The following EPYC variants were observed in gnomAD, a reference collection of about 807,000 sequenced individuals.
EPYC encodes the protein dermatan sulfate proteoglycan 3.
EPYC carries 28 observed loss-of-function variants against 30.1 expected under a neutral mutation model. That is an observed-to-expected ratio of 0.93 (90% CI 0.69 to 1.28). The LOEUF is 1.28. Among genes scored for constraint, EPYC ranks in the 50% most tolerant of loss-of-function variants. The probability of loss-of-function intolerance (pLI) is 0.00; values close to 1 mark genes in which losing one functional copy is unlikely to be tolerated. For missense variants in EPYC, 382 were observed against 383.5 expected (o/e 1.00, Z 0.03); for synonymous variants, 144 against 141.4 (o/e 1.02, Z -0.13).
intron 2 of EPYC, among the ~76,000 whole-genome samples, chr12:90,987,018 T>A (rs1877463366): frequency 6.6e-6 from 1 of 152,190 alleles, no homozygotes; most frequent in South Asian, 2.1e-4. Flanking sequence ...CATGGCAATT[T>A]TTGATACATT....
chr12:90,993,066 T>C (rs1877622480), intron 2 of EPYC, among the ~76,000 whole-genome samples: 1 of 152,196 alleles, frequency 6.6e-6, no homozygotes, highest in African/African-American at 2.4e-5. Context: ...GTTTCCATCT[T>C]ATGACTTTCT....
intron 2 of EPYC, among the ~76,000 whole-genome samples, chr12:90,992,833 G>T (rs1277844502): frequency 1.3e-5 from 2 of 152,136 alleles, no homozygotes; most frequent in Admixed American, 1.3e-4. Context: ...GTCTGGAGTG[G>T]GATCTGAGTA....
intron 2 of EPYC, 92 bp from the exon 3 acceptor site, chr12:90,978,354 G>T: frequency 1.6e-6 from 2 of 1,263,966 alleles, no homozygotes; most frequent in Admixed American, 2.8e-5. Context: ...ACCCATATTT[G>T]CCACAAGAGG....
intron 5 of EPYC, 80 bp from the exon 6 acceptor site, chr12:90,970,219 C>G: frequency 2.0e-6 from 2 of 989,268 alleles, no homozygotes; most frequent in Non-Finnish European, 3.2e-6. Flanking sequence ...GCTGTATTTC[C>G]CATTCCCTCT....
intron 3 of EPYC, among the ~76,000 whole-genome samples, 162 bp from the exon 4 acceptor site, chr12:90,973,142 C>T (rs1243692192): frequency 6.6e-6 from 1 of 151,938 alleles, no homozygotes; most frequent in East Asian, 1.9e-4. Flanking sequence ...GTCAAGCATA[C>T]CAATTAAAAT....
chr12:90,980,182 C>A (rs1177265155), intron 2 of EPYC, among the ~76,000 whole-genome samples: 1 of 152,054 alleles, frequency 6.6e-6, no homozygotes, highest in African/African-American at 2.4e-5. Context: ...AAGGGAGAAA[C>A]AAATTCCAGA....
intron 2 of EPYC, among the ~76,000 whole-genome samples, chr12:90,993,537 T>C (rs749157020): frequency 6.6e-6 from 1 of 152,130 alleles, no homozygotes; most frequent in African/African-American, 2.4e-5. Context: ...AGAAAACCTT[T>C]ACTATTTTCA....
At chr12:90,988,206 T>G (rs891203842) in intron 2 of EPYC, among the ~76,000 whole-genome samples, 1 of 152,174 alleles carries the variant, frequency 6.6e-6, no homozygotes, top group African/African-American at 2.4e-5. Flanking sequence ...CAATTGAAGT[T>G]ACTTTCACTT....
chr12:90,984,225 C>T (rs545050288), intron 2 of EPYC, among the ~76,000 whole-genome samples: 27 of 152,254 alleles, frequency 1.8e-4, no homozygotes, highest in African/African-American at 6.3e-4. Context: ...CCTTGGTCCT[C>T]TTTGTGGTCT....
chr12:90,968,184 T>C (rs7296663), intron 6 of EPYC, among the ~76,000 whole-genome samples: 44 of 152,302 alleles, frequency 2.9e-4, no homozygotes, highest in African/African-American at 9.9e-4. Flanking sequence ...TAATACATGT[T>C]TTGTGCCTAT....
intron 2 of EPYC, 111 bp from the exon 3 acceptor site, chr12:90,978,373 G>T: frequency 2.0e-6 from 2 of 1,017,086 alleles, no homozygotes; most frequent in South Asian, 1.7e-5. Flanking sequence ...GGACACTCAT[G>T]TTCTAAAGTT....
At chr12:91,002,626 G>T (rs1877859791) in intron 1 of EPYC, 48 bp from the exon 2 acceptor site, 13 of 1,407,754 alleles carry the variant, frequency 9.2e-6, no homozygotes, top group Non-Finnish European at 1.3e-5. Flanking sequence ...GATAACTTAT[G>T]AATAGTTTGC....
intron 2 of EPYC, among the ~76,000 whole-genome samples, chr12:90,985,669 G>A (rs932007242): frequency 3.3e-5 from 5 of 152,086 alleles, no homozygotes; most frequent in African/African-American, 4.8e-5. Flanking sequence ...ATTGTCCAAC[G>A]AGAAACAAGC....
chr12:90,978,054 G>T, intron 3 of EPYC, 34 bp downstream of exon 3: 2 of 1,505,492 alleles, frequency 1.3e-6, no homozygotes, highest in Non-Finnish European at 1.8e-6. Flanking sequence ...TGACAAAGTG[G>T]ACTCAATTGT....
chr12:90,968,717 A>C (rs958807405), intron 6 of EPYC, among the ~76,000 whole-genome samples: 1 of 152,124 alleles, frequency 6.6e-6, no homozygotes, highest in Non-Finnish European at 1.5e-5. Flanking sequence ...AACATCAAAG[A>C]CTTGTTTTAT....
At chr12:90,969,988 T>C in intron 6 of EPYC, 56 bp downstream of exon 6, 2 of 1,273,992 alleles carry the variant, frequency 1.6e-6, no homozygotes, top group Non-Finnish European at 2.3e-6. Flanking sequence ...CCTGATGTCC[T>C]TTTTGGCTTT....
intron 2 of EPYC, among the ~76,000 whole-genome samples, chr12:90,983,540 C>T (rs1019396132): frequency 6.6e-5 from 10 of 152,082 alleles, no homozygotes; most frequent in East Asian, 5.8e-4. Context: ...CTTATACTTC[C>T]GGGCTGAGCT....
Position 90,972,974 on chromosome 12 carries a change from G to T in EPYC, c.347C>A (p.Pro116Gln). The part of the protein sequence containing the change: ...VLGPHTNEDF[P>Q]TCLLCTCIST... ...TATACAAGTACACAAAAGACAGGTT[G>T]GAAAGTCTAAAAGATAAAGGAAAAT... Residue 116 changes from proline (P) to glutamine (Q), a missense_variant, in exon 4 of 7, where the codon CCA (proline) becomes CAA (glutamine). Transcript: ENST00000261172. 2 of 1,573,974 alleles carry T rather than the reference G, an allele frequency of 1.3e-6. No individual in the cohort carries two copies. Among genetic ancestry groups the T allele is most frequent in the Non-Finnish European group, 8.6e-7 (1 of 1,158,350 alleles).
chr12:91,000,169 A>T (rs371943775), intron 2 of EPYC, among the ~76,000 whole-genome samples: 11 of 152,060 alleles, frequency 7.2e-5, no homozygotes, highest in African/African-American at 2.4e-4. Flanking sequence ...ACCACAAGGG[A>T]TTGTTAGTGG....
Sources: gnomAD v4.1 joint callset for allele counts (sites outside exome capture counted in the v4.1 genomes callset) on GRCh38, gnomAD v4.1.1 for gene constraint, MANE v1.5 for transcripts, NCBI Gene and HGNC (gene_info 2026-07-23, HGNC 2026-07-21) for gene names.